CLINT1: variants seen among roughly 807,000 people sequenced by gnomAD.
CLINT1 encodes the protein clathrin interacting protein localized in the trans-Golgi region.
In CLINT1, 15 loss-of-function variants were observed where a neutral mutation model predicts 70.4. The observed-to-expected ratio is 0.21, with a 90% CI of 0.14 to 0.33. The LOEUF is 0.33. Ranked by LOEUF, CLINT1 falls within the 10% of genes least tolerant of loss-of-function variation. The probability of loss-of-function intolerance (pLI) is 1.00; values close to 1 mark genes in which losing one functional copy is unlikely to be tolerated. For synonymous variants in CLINT1, 227 were observed against 254.7 expected (o/e 0.89, Z 1.04); for missense variants, 615 against 778.1 (o/e 0.79, Z 2.49).
In CLINT1 at chr5:157,859,113, A is replaced by G. The variant is rs1008049599; in HGVS notation, c.-143T>C. The stretch of plus-strand genomic sequence containing the variant: ...CCCAGTCAGCTCCTTCCTTTGCCAC[A>G]GCAGCGGCGCCGCCGGTGACACGTC... On this transcript the variant is annotated 5_prime_UTR_variant, in exon 1 of 12. Coordinates refer to ENST00000411809, the MANE Select transcript of CLINT1 (RefSeq NM_014666.4). 1.2e-4 allele frequency: 98 copies of G among 798,628 alleles called. 1 individual carries two copies. In the African/African-American group the frequency reaches 1.7e-3, roughly 14 times the overall value. 49.5% of individuals were successfully genotyped at this position (798,628 alleles called of 1,614,324 possible).
chr5:157,810,761 G>T (rs909344690), intron 5 of CLINT1, among the ~76,000 whole-genome samples: 3 of 152,156 alleles, frequency 2.0e-5, no homozygotes, highest in Non-Finnish European at 4.4e-5. Context: ...ATTAAGGCAG[G>T]TTGGAAGAAA....
chr5:157,788,817 A>C (rs140686231), intron 11 of CLINT1, among the ~76,000 whole-genome samples: 2,565 of 152,114 alleles, frequency 0.017, 96 homozygotes, highest in African/African-American at 0.058. Context: ...AAAATATAAA[A>C]ATTAGCCAGG....
Position 157,814,165 on chromosome 5 carries a change from A to G in CLINT1, c.352+20T>C. On this transcript the variant is annotated intron_variant, in intron 4 of 11. Coordinates refer to ENST00000411809, the MANE Select transcript of CLINT1 (RefSeq NM_014666.4). ...CCAACTACTGTTTTAATTTGCTTAT[A>G]AGGTTTTTCTATTGCTTACCTACAA... The G allele has an allele frequency of 6.7e-7, 1 of 1,503,244 alleles. No individual in the cohort carries two copies. The highest frequency in any genetic ancestry group is 9.2e-7 in the Non-Finnish European group (1 of 1,087,744). The allele number at this position is 1,503,244 out of a possible 1,614,324, so 93.1% of individuals were successfully genotyped here. A position where few individuals can be genotyped will look rare whatever the true frequency, so the allele number is the denominator to read the frequency against.
At position 157,859,144 on chromosome 5, in the gene CLINT1, G is replaced by T. The variant is rs951278096; in HGVS notation, c.-174C>A. The T allele has an allele frequency of 1.7e-6, 1 of 602,642 alleles. No individual in the cohort carries two copies. The allele number at this position is 602,642 out of a possible 1,614,324, so 37.3% of individuals were successfully genotyped here. ...GGCGCCGCCGGTGACACGTCGAGAC[G>T]CGGCAGCACAGGCGCTGCGTGGAGC... On this transcript the variant is annotated 5_prime_UTR_variant, in exon 1 of 12. Transcript: ENST00000411809.
chr5:157,847,477 C>G (rs2113320189), intron 1 of CLINT1, among the ~76,000 whole-genome samples: 1 of 151,920 alleles, frequency 6.6e-6, no homozygotes, highest in East Asian at 1.9e-4. Flanking sequence ...TGCCACTACA[C>G]TCCAGCCTGG....
At position 157,808,458 on chromosome 5, in the gene CLINT1, A is replaced by C. The variant is rs1019645602; in HGVS notation, c.695+1170T>G. On this transcript the variant is annotated intron_variant, in intron 6 of 11. Coordinates refer to ENST00000411809, the MANE Select transcript of CLINT1 (RefSeq NM_014666.4). Reference sequence around the variant, plus strand: ...CTGTGTTATTTAGGCAAGTCCACACAGTGTGACTGGGTTTTAGGTTTTACT... The same window carrying C: ...CTGTGTTATTTAGGCAAGTCCACACCGTGTGACTGGGTTTTAGGTTTTACT... 2.0e-5 allele frequency among the ~76,000 whole-genome samples: 3 copies of C among 152,162 alleles called. No homozygotes were observed. In the South Asian group the frequency reaches 6.2e-4, roughly 31 times the overall value.
intron 8 of CLINT1, among the ~76,000 whole-genome samples, chr5:157,802,078 A>G (rs958687081): frequency 1.3e-5 from 2 of 152,090 alleles, no homozygotes; most frequent in East Asian, 3.9e-4. Flanking sequence ...TAGTTTTAGT[A>G]GAGACAGGGT....
At chr5:157,814,566 G>A (rs1355781972) in intron 3 of CLINT1, among the ~76,000 whole-genome samples, 1 of 152,118 alleles carries the variant, frequency 6.6e-6, no homozygotes, top group Non-Finnish European at 1.5e-5. Context: ...CAAAATATCA[G>A]AATGCTTGAT....
At chr5:157,846,939 A>G (rs1338574930) in intron 1 of CLINT1, among the ~76,000 whole-genome samples, 1 of 152,234 alleles carries the variant, frequency 6.6e-6, no homozygotes, top group Non-Finnish European at 1.5e-5. Flanking sequence ...GCTCAGAAGA[A>G]AAGATTCTTT....
intron 7 of CLINT1, among the ~76,000 whole-genome samples, chr5:157,804,035 A>AT (rs1316233503): frequency 9.7e-6 from 1 of 102,580 alleles, no homozygotes; most frequent in Non-Finnish European, 2.0e-5. Context: ...GTATCAGTTC[A>AT]TTAAAAAAAA....
At position 157,786,804 on chromosome 5, in the gene CLINT1, C is replaced by T. The variant is rs1249139605; in HGVS notation, c.*842G>A. 2 of 152,082 alleles carry T rather than the reference C, an allele frequency of 1.3e-5. No homozygotes were observed. Among genetic ancestry groups the T allele is most frequent in the Non-Finnish European group, 2.9e-5 (2 of 67,994 alleles). The allele number at this position is 152,082 out of a possible 1,614,324, so 9.4% of individuals were successfully genotyped here. Reference sequence around the variant, plus strand: ...AAAATAAATATTTTTCTGACTGTTCCTGACTTAAATGATGGCTACAGGGAT... The same window carrying T: ...AAAATAAATATTTTTCTGACTGTTCTTGACTTAAATGATGGCTACAGGGAT... On this transcript the variant is annotated 3_prime_UTR_variant, in exon 12 of 12. Transcript: ENST00000411809.
In CLINT1 at chr5:157,857,598, T is replaced by A. The variant is rs114349388; in HGVS notation, c.41+1332A>T. Among the ~76,000 whole-genome samples, 1,002 of 152,300 alleles carry A rather than the reference T, an allele frequency of 6.6e-3. 9 individuals carry two copies. The highest frequency in any genetic ancestry group is 0.023 in the African/African-American group (958 of 41,560). Reference sequence around the variant, plus strand: ...GTTAAGGGCTTTATATGCAATACAATCCCTTAACCCTTAAGCCTCACAACA... The same window carrying A: ...GTTAAGGGCTTTATATGCAATACAAACCCTTAACCCTTAAGCCTCACAACA... On this transcript the variant is annotated intron_variant, in intron 1 of 11. Transcript: ENST00000411809.
chr5:157,842,688 C>T (rs1025835698), intron 1 of CLINT1, among the ~76,000 whole-genome samples: 3 of 152,194 alleles, frequency 2.0e-5, no homozygotes, highest in African/African-American at 4.8e-5. Context: ...TACACATTAT[C>T]TATTCCAGTA....
intron 1 of CLINT1, among the ~76,000 whole-genome samples, chr5:157,848,654 C>A (rs1238559845): frequency 3.9e-5 from 6 of 151,936 alleles, no homozygotes. Flanking sequence ...CAGGGGTGCG[C>A]CAGAATGCCG....
chr5:157,821,221 A>T (rs1010742425), intron 1 of CLINT1, among the ~76,000 whole-genome samples: 1 of 152,152 alleles, frequency 6.6e-6, no homozygotes, highest in Non-Finnish European at 1.5e-5. Context: ...CACCAAAAAA[A>T]TTTTCTGTAT....
Position 157,803,727 on chromosome 5 carries a change from C to A in CLINT1, c.943-8G>T. The A allele has an allele frequency of 6.5e-7, 1 of 1,548,690 alleles. No individual in the cohort carries two copies. The highest frequency in any genetic ancestry group is 2.3e-5 in the East Asian group (1 of 43,582). On this transcript the variant is annotated splice_polypyrimidine_tract_variant and splice_region_variant and intron_variant, in intron 7 of 11. Coordinates refer to ENST00000411809, the MANE Select transcript of CLINT1 (RefSeq NM_014666.4). ...GCTGCTAGGCACTGAAGTCTGAAAA[C>A]ACACACATAACTCAGGAGCTTCGAA... is the stretch of plus-strand genomic sequence containing the variant.
chr5:157,831,201 T>G (rs1380995518), intron 1 of CLINT1, among the ~76,000 whole-genome samples: 2 of 151,504 alleles, frequency 1.3e-5, no homozygotes, highest in Non-Finnish European at 2.9e-5. Flanking sequence ...TTTTTTTTTT[T>G]TTTTGAGATG....
chr5:157,829,664 T>G (rs558684431), intron 1 of CLINT1, among the ~76,000 whole-genome samples: 158 of 149,954 alleles, frequency 1.1e-3, no homozygotes, highest in Non-Finnish European at 2.0e-3. Context: ...CCTGGGACTA[T>G]AGGTGCACGC....
intron 5 of CLINT1, among the ~76,000 whole-genome samples, chr5:157,810,519 C>T (rs1287515456): frequency 2.6e-5 from 4 of 152,124 alleles, no homozygotes; most frequent in African/African-American, 4.8e-5. Context: ...ACTGGCGAAA[C>T]CTAGAGCCTC....
Sources: gnomAD v4.1 joint callset for allele counts (sites outside exome capture counted in the v4.1 genomes callset) on GRCh38, gnomAD v4.1.1 for gene constraint, MANE v1.5 for transcripts, NCBI Gene and HGNC (gene_info 2026-07-23, HGNC 2026-07-21) for gene names.